ANKRD30B: variants seen among roughly 807,000 people sequenced by gnomAD.
ANKRD30B encodes ankyrin repeat domain 30B, also known as ankyrin repeat domain-containing protein 30B.
ANKRD30B carries 144 observed loss-of-function variants against 202.2 expected under a neutral mutation model. That is an observed-to-expected ratio of 0.71 (90% CI 0.62 to 0.82). ANKRD30B has a LOEUF of 0.82. Ranked by LOEUF, ANKRD30B falls within the 40% of genes least tolerant of loss-of-function variation. ANKRD30B has a pLI of 0.00. For missense variants in ANKRD30B, 1,487 were observed against 1,669.1 expected (o/e 0.89, Z 1.90); for synonymous variants, 508 against 561.3 (o/e 0.91, Z 1.34).
At chr18:14,906,291 C>T in the ANKRD30B span, among the ~76,000 whole-genome samples, 1 of 152,132 alleles carries the variant, frequency 6.6e-6, no homozygotes, top group Non-Finnish European at 1.5e-5. Context: ...GTCACTTTCT[C>T]TTGTGTTCTC....
At chr18:14,823,528 T>C (rs1970538133) in intron 32 of ANKRD30B, among the ~76,000 whole-genome samples, 1 of 151,882 alleles carries the variant, frequency 6.6e-6, no homozygotes, top group African/African-American at 2.4e-5. Flanking sequence ...TTAAAAATCA[T>C]TACTTGATGA....
chr18:14,850,731 T>C (rs1241291795), intron 41 of ANKRD30B, among the ~76,000 whole-genome samples: 1 of 151,854 alleles, frequency 6.6e-6, no homozygotes, highest in East Asian at 1.9e-4. Flanking sequence ...AAAGTTAGTG[T>C]CGTAGTAAAT....
chr18:14,926,891 T>C, the ANKRD30B span, among the ~76,000 whole-genome samples: 2 of 152,078 alleles, frequency 1.3e-5, no homozygotes, highest in African/African-American at 4.8e-5. Context: ...TACAAAGCAC[T>C]GTCTATGTGT....
At chr18:14,848,635 A>G in intron 39 of ANKRD30B, 81 bp from the exon 40 acceptor site, 2 of 1,123,324 alleles carry the variant, frequency 1.8e-6, no homozygotes, top group Non-Finnish European at 2.4e-6. Context: ...TGAGTGTATG[A>G]GTTAGTGATT....
chr18:14,826,685 T>A (rs1970676477), intron 32 of ANKRD30B, among the ~76,000 whole-genome samples: 1 of 25,434 alleles, frequency 3.9e-5, no homozygotes, highest in East Asian at 3.0e-3. Context: ...CCCCTCTCTC[T>A]CTCTCTCTCA....
At chr18:14,785,067 G>T (rs1027387873) in intron 14 of ANKRD30B, among the ~76,000 whole-genome samples, 1 of 151,928 alleles carries the variant, frequency 6.6e-6, no homozygotes, top group African/African-American at 2.4e-5. Context: ...TATGTGTGTG[G>T]TACCTTTACC....
At chr18:14,863,266 TGGAAGGTG>T in the ANKRD30B span, among the ~76,000 whole-genome samples, 1 of 152,114 alleles carries the variant, frequency 6.6e-6, no homozygotes, top group African/African-American at 2.4e-5. Context: ...GTGGGCCTAG[TGGAAGGTG>T]TTGAATCATG....
chr18:14,816,767 G>A (rs1043082054), intron 30 of ANKRD30B: 2 of 152,090 alleles, frequency 1.3e-5, no homozygotes, highest in Non-Finnish European at 2.9e-5. Flanking sequence ...ATACACCATG[G>A]AACACTACGC....
the ANKRD30B span, among the ~76,000 whole-genome samples, chr18:14,928,222 C>A: frequency 6.6e-6 from 1 of 152,158 alleles, no homozygotes; most frequent in African/African-American, 2.4e-5. Flanking sequence ...CCTGCCTCGG[C>A]GTCCCAAAGT....
chr18:14,826,691 TCTCACA>T (rs1462667549), intron 32 of ANKRD30B, among the ~76,000 whole-genome samples: 3 of 83,770 alleles, frequency 3.6e-5, no homozygotes, highest in Admixed American at 1.3e-4. Flanking sequence ...TCTCTCTCTC[TCTCACA>T]CACACACACA....
the ANKRD30B span, among the ~76,000 whole-genome samples, chr18:14,907,386 G>A: frequency 6.6e-6 from 1 of 152,116 alleles, no homozygotes; most frequent in African/African-American, 2.4e-5. Flanking sequence ...TTCATTGCTG[G>A]TTTGTTGTGC....
the ANKRD30B span, among the ~76,000 whole-genome samples, chr18:14,908,792 A>G: frequency 6.6e-6 from 1 of 152,178 alleles, no homozygotes; most frequent in Non-Finnish European, 1.5e-5. Flanking sequence ...GCCTCGGGAC[A>G]CAGCAGCTTC....
Position 14,755,021 on chromosome 18 carries a change from T to C in ANKRD30B, c.617+16T>C. The C allele has an allele frequency of 7.2e-7, 1 of 1,388,518 alleles. No individual in the cohort carries two copies. The highest frequency in any genetic ancestry group is 9.5e-7 in the Non-Finnish European group (1 of 1,054,494). 86.0% of individuals were successfully genotyped at this position (1,388,518 alleles called of 1,614,324 possible). On this transcript the variant is annotated intron_variant, in intron 4 of 43. Coordinates refer to ENST00000690538, the MANE Select transcript of ANKRD30B (RefSeq NM_001367607.2). ...AGTCTAAATGGTATGGTAGTTCTTT[T>C]TTTTTACTAAAAAACACTTGACTAG...
At chr18:14,931,079 G>A in the ANKRD30B span, among the ~76,000 whole-genome samples, 45 of 152,326 alleles carry the variant, frequency 3.0e-4, no homozygotes, top group Admixed American at 2.4e-3. Flanking sequence ...CTGCGAGGTG[G>A]CATTTGGCAG....
At chr18:14,798,327 TTAAC>T (rs200564226) in intron 20 of ANKRD30B, among the ~76,000 whole-genome samples, 1,792 of 152,172 alleles carry the variant, frequency 0.012, 43 homozygotes, top group African/African-American at 0.041. Flanking sequence ...AAGTAATTCT[TTAAC>T]TAACATCTGT....
intron 30 of ANKRD30B, among the ~76,000 whole-genome samples, chr18:14,815,173 T>C (rs528107695): frequency 4.9e-5 from 4 of 81,264 alleles, no homozygotes; most frequent in African/African-American, 2.0e-4. Context: ...AGCAAAAATA[T>C]TCTGACTCTT....
At chr18:14,831,239 A>G (rs1464022327) in intron 33 of ANKRD30B, 144 bp from the exon 34 acceptor site, 1 of 482,486 alleles carries the variant, frequency 2.1e-6, no homozygotes, top group African/African-American at 2.1e-5. Flanking sequence ...GCCAAGAAAC[A>G]TGATTTAATA....
the ANKRD30B span, among the ~76,000 whole-genome samples, chr18:14,940,478 A>C: frequency 6.6e-6 from 1 of 152,344 alleles, no homozygotes; most frequent in Non-Finnish European, 1.5e-5. Flanking sequence ...GAAGGAGGGA[A>C]CAGCAGCGTG....
intron 6 of ANKRD30B, 62 bp downstream of exon 6, chr18:14,760,680 T>C (rs1192001744): frequency 8.0e-7 from 1 of 1,254,916 alleles, no homozygotes; most frequent in African/African-American, 1.5e-5. Flanking sequence ...GAAGTGCTGA[T>C]CACAAAAAAG....
Sources: gnomAD v4.1 joint callset for allele counts (sites outside exome capture counted in the v4.1 genomes callset) on GRCh38, gnomAD v4.1.1 for gene constraint, MANE v1.5 for transcripts, NCBI Gene and HGNC (gene_info 2026-07-23, HGNC 2026-07-21) for gene names.